Variants in GRID1 observed in about 807,000 individuals in gnomAD.
The protein encoded by GRID1 is glutamate receptor ionotropic, delta-1.
In GRID1, 28 loss-of-function variants were observed where a neutral mutation model predicts 98.0. The ratio of observed to expected loss-of-function variants is 0.29; its 90% CI spans 0.21 to 0.39. The LOEUF (loss-of-function observed/expected upper bound fraction) is 0.39, where lower values mean the gene tolerates loss of function less well. GRID1 is among the 10% of genes least tolerant of loss of function. The pLI, the probability that GRID1 is intolerant of heterozygous loss-of-function variation, is 1.00. For missense variants in GRID1, 1,111 were observed against 1,340.5 expected (o/e 0.83, Z 2.67); for synonymous variants, 553 against 538.5 (o/e 1.03, Z -0.37).
intron 12 of GRID1, among the ~76,000 whole-genome samples, chr10:85,707,717 T>C (rs1343190070): frequency 1.3e-5 from 2 of 152,180 alleles, no homozygotes; most frequent in African/African-American, 2.4e-5. Context: ...CCAACCCAAA[T>C]GTCCAACAAT....
At chr10:86,181,026 C>A (rs1017672010) in intron 3 of GRID1, among the ~76,000 whole-genome samples, 2 of 152,142 alleles carry the variant, frequency 1.3e-5, no homozygotes, top group Non-Finnish European at 2.9e-5. Flanking sequence ...CCAGGCTGAA[C>A]CTCCCCCGAA....
chr10:86,183,161 G>A (rs942863180), intron 3 of GRID1, among the ~76,000 whole-genome samples: 6 of 152,052 alleles, frequency 3.9e-5, no homozygotes, highest in Non-Finnish European at 8.8e-5. Flanking sequence ...TCTGCAATCT[G>A]TCACTGTAGA....
intron 4 of GRID1, among the ~76,000 whole-genome samples, chr10:85,960,188 C>T (rs905725503): frequency 3.9e-5 from 6 of 152,206 alleles, no homozygotes; most frequent in East Asian, 1.9e-4. Flanking sequence ...GTGTGAGCCA[C>T]CACGCTCAGC....
intron 2 of GRID1, among the ~76,000 whole-genome samples, chr10:86,347,705 G>T (rs949917239): frequency 6.6e-6 from 1 of 152,218 alleles, no homozygotes; most frequent in Non-Finnish European, 1.5e-5. Context: ...TGCCTGAAGC[G>T]ATGCAGCCTC....
chr10:86,089,352 G>A (rs1844110019), intron 4 of GRID1, among the ~76,000 whole-genome samples: 2 of 152,080 alleles, frequency 1.3e-5, no homozygotes, highest in African/African-American at 4.8e-5. Flanking sequence ...AGGTTTCAAA[G>A]GAAACCAAGA....
intron 2 of GRID1, among the ~76,000 whole-genome samples, chr10:86,363,356 G>A (rs767391617): frequency 2.0e-5 from 3 of 152,158 alleles, no homozygotes; most frequent in South Asian, 2.1e-4. Flanking sequence ...CCGCGGCGCG[G>A]ACAGCGAGAG....
At chr10:86,042,215 A>G (rs1450938766) in intron 4 of GRID1, among the ~76,000 whole-genome samples, 2 of 152,174 alleles carry the variant, frequency 1.3e-5, no homozygotes, top group East Asian at 3.8e-4. Context: ...GGCTTTCGCA[A>G]TCCCCCCTGG....
intron 4 of GRID1, among the ~76,000 whole-genome samples, chr10:85,917,560 G>T (rs1026025644): frequency 1.3e-5 from 2 of 152,216 alleles, no homozygotes; most frequent in African/African-American, 4.8e-5. Context: ...ATTTATCAGT[G>T]TAACACAAAT....
At chr10:86,036,230 G>A (rs748019180) in intron 4 of GRID1, among the ~76,000 whole-genome samples, 26 of 152,298 alleles carry the variant, frequency 1.7e-4, no homozygotes, top group Non-Finnish European at 3.2e-4. Context: ...AAGACAGTCC[G>A]CCTTGGGCTG....
chr10:85,613,725 C>T, intron 14 of GRID1, 78 bp from the exon 15 acceptor site: 1 of 1,523,250 alleles, frequency 6.6e-7, no homozygotes, highest in East Asian at 2.3e-5. Context: ...CCTGCCCCAC[C>T]ATGCTGGCCC....
intron 13 of GRID1, among the ~76,000 whole-genome samples, chr10:85,626,166 CT>C (rs1160898247): frequency 6.6e-6 from 1 of 152,172 alleles, no homozygotes; most frequent in East Asian, 1.9e-4. Context: ...AACCTGATCC[CT>C]TTTTTATCCA....
At chr10:86,115,553 T>A (rs138251356) in intron 4 of GRID1, among the ~76,000 whole-genome samples, 1 of 152,204 alleles carries the variant, frequency 6.6e-6, no homozygotes, top group Non-Finnish European at 1.5e-5. Context: ...GGTAATCTCA[T>A]TACCCCCATT....
chr10:86,189,324 C>T (rs61857807), intron 3 of GRID1, among the ~76,000 whole-genome samples: 5,589 of 152,080 alleles, frequency 0.037, 152 homozygotes, highest in African/African-American at 0.072. Flanking sequence ...CCTAACTAGT[C>T]GGCTTCCAAC....
At chr10:85,923,699 C>A (rs1010758462) in intron 4 of GRID1, among the ~76,000 whole-genome samples, 5 of 152,192 alleles carry the variant, frequency 3.3e-5, no homozygotes, top group African/African-American at 1.2e-4. Flanking sequence ...CCAGGCCTTT[C>A]CAATGCAAAA....
At chr10:85,804,585 A>G (rs1842605464) in intron 8 of GRID1, among the ~76,000 whole-genome samples, 1 of 151,910 alleles carries the variant, frequency 6.6e-6, no homozygotes, top group Admixed American at 6.6e-5. Flanking sequence ...ACCCTTCATC[A>G]TAATAAATCT....
At chr10:85,760,796 G>T (rs1431956117) in intron 8 of GRID1, among the ~76,000 whole-genome samples, 1 of 152,172 alleles carries the variant, frequency 6.6e-6, no homozygotes, top group African/African-American at 2.4e-5. Flanking sequence ...TAGCCATTCT[G>T]CTCTACTGCA....
At position 85,599,802 on chromosome 10, in the gene GRID1, A is replaced by AAAAAAAATATATATATATAT; in HGVS notation, c.*2470_*2471insATATATATATATATTTTTTT. The AAAAAAAATATATATATATAT allele has an allele frequency of 1.5e-5, 1 of 64,982 alleles. No homozygotes were observed. Among genetic ancestry groups the AAAAAAAATATATATATATAT allele is most frequent in the Non-Finnish European group, 2.6e-5 (1 of 38,788 alleles). 4.0% of individuals were successfully genotyped at this position (64,982 alleles called of 1,614,324 possible). A position where few individuals can be genotyped will look rare whatever the true frequency, so the allele number is the denominator to read the frequency against. On this transcript the variant is annotated 3_prime_UTR_variant, in exon 16 of 16. Coordinates refer to ENST00000327946, the MANE Select transcript of GRID1 (RefSeq NM_017551.3). ...GTAGAAAATTCTAAAAAAAAAAAAA[A>AAAAAAAATATATATATATAT]ATATATATATATATATATAAACATG...
In GRID1 at chr10:85,825,703, AT is replaced by A. The variant is rs564268459; in HGVS notation, c.1233+28792del. 2.0e-4 allele frequency among the ~76,000 whole-genome samples: 30 copies of A among 152,310 alleles called. No homozygotes were observed. The South Asian group carries it at 6.2e-3, about 32-fold the overall frequency. ...GTTAATACAGGGGGCAAAAGAACTAATTTTTTAAATGGTCAATCAAAAATAT... is the reference window on the plus strand; with the variant it reads ...GTTAATACAGGGGGCAAAAGAACTAATTTTTAAATGGTCAATCAAAAATAT... On this transcript the variant is annotated intron_variant, in intron 8 of 15. Transcript: ENST00000327946.
chr10:85,646,957 CA>C, intron 13 of GRID1: 1 of 540,712 alleles, frequency 1.8e-6, no homozygotes. Flanking sequence ...GAGGGTGGGC[CA>C]AAAGTCAGGC....
Sources: allele counts gnomAD v4.1 joint callset (sites outside exome capture counted in the v4.1 genomes callset), GRCh38; gene constraint gnomAD v4.1.1; transcripts MANE v1.5; gene names NCBI Gene and HGNC (gene_info 2026-07-23, HGNC 2026-07-21).